The following PSME4 variants were observed in gnomAD, a reference collection of about 807,000 sequenced individuals.
PSME4 encodes the protein proteasome activator subunit 4, also known as proteasome activator complex subunit 4.
In PSME4, 89 loss-of-function variants were observed where a neutral mutation model predicts 253.9. The ratio of observed to expected loss-of-function variants is 0.35; its 90% CI spans 0.30 to 0.42. PSME4 has a LOEUF of 0.42. Among genes scored for constraint, PSME4 ranks in the 10% least tolerant of loss-of-function variants. PSME4 has a pLI of 1.00. For missense variants in PSME4, 2,014 were observed against 2,195.2 expected (o/e 0.92, Z 1.65); for synonymous variants, 851 against 759.2 (o/e 1.12, Z -1.99).
At chr2:53,900,149 T>G (rs1309992006) in intron 28 of PSME4, 132 bp from the exon 29 acceptor site, 2 of 875,354 alleles carry the variant, frequency 2.3e-6, no homozygotes, top group African/African-American at 3.4e-5. Flanking sequence ...TCCATTTATA[T>G]GAAATATCTA....
rs1470302261 is a variant in PSME4 at position 53,932,074 on chromosome 2, C to A, written c.1077G>T (p.Arg359=). The A allele has an allele frequency of 6.2e-7, 1 of 1,613,936 alleles. No homozygotes were observed. The highest frequency in any genetic ancestry group is 8.5e-7 in the Non-Finnish European group (1 of 1,179,972). ...ATCTTCTAACAACACTGTTTGGCAA[C>A]CGCTGAAGTAGTTTCATTAACTTGT... The part of the protein sequence containing the change: ...WLNKLMKLLQ[R]LPNSVVRRLH... Residue 359 remains arginine, a synonymous_variant, in exon 10 of 47, where the codon CGG becomes CGT. Transcript: ENST00000404125.
At position 53,875,613 on chromosome 2, in the gene PSME4, A is replaced by G; in HGVS notation, c.4944+14T>C. On this transcript the variant is annotated intron_variant, in intron 42 of 46. Coordinates refer to ENST00000404125, the MANE Select transcript of PSME4 (RefSeq NM_014614.3). ...ATCCTAATCAAAAGACATAAATATT[A>G]TAAACACTCTTACTTGTTTTAGCAC... 6.3e-7 allele frequency: 1 copy of G among 1,597,120 alleles called. No individual in the cohort carries two copies. Among genetic ancestry groups the G allele is most frequent in the South Asian group, 1.1e-5 (1 of 87,346 alleles).
chr2:53,958,460 A>C (rs1186042367), intron 1 of PSME4, among the ~76,000 whole-genome samples: 1 of 152,214 alleles, frequency 6.6e-6, no homozygotes, highest in Admixed American at 6.5e-5. Flanking sequence ...CAATCTGATT[A>C]TGATACAGTG....
At chr2:53,905,080 A>T (rs1573254234) in intron 26 of PSME4, among the ~76,000 whole-genome samples, 1 of 143,528 alleles carries the variant, frequency 7.0e-6, no homozygotes, top group African/African-American at 2.6e-5. Context: ...CCCAGGCTGG[A>T]GTGCAGTGGC....
chr2:53,950,824 A>G (rs1327048714), intron 1 of PSME4, among the ~76,000 whole-genome samples: 1 of 149,942 alleles, frequency 6.7e-6, no homozygotes, highest in Non-Finnish European at 1.5e-5. Flanking sequence ...CTGGGCAACA[A>G]GAGAGAAACT....
In PSME4 at chr2:53,923,341, T is replaced by A. The variant is rs1424370202; in HGVS notation, c.1888A>T (p.Met630Leu). The change falls in exon 15 of 47, where the codon ATG becomes TTG. Residue 630 changes from methionine to leucine, a missense_variant. Physicochemically the swap from Met to Leu is conservative, Grantham distance 15 (BLOSUM62 2). Around this residue, in one of 4 missense-constraint regions of PSME4, gnomAD observed 989 missense variants for 1,021.1 expected, o/e 0.97. Coordinates refer to ENST00000404125, the MANE Select transcript of PSME4 (RefSeq NM_014614.3). ...CTCACCTTTACAGCAGCGCGGCACA[T>A]GTCTGCCACCATGCGACCTGCTACT... ...TRVAGRMVADMCRAAVKCCPE... is the reference protein window; with the variant it reads ...TRVAGRMVADLCRAAVKCCPE... 1.2e-6 allele frequency: 2 copies of A among 1,608,630 alleles called. No homozygotes were observed. The highest frequency in any genetic ancestry group is 1.7e-6 in the Non-Finnish European group (2 of 1,178,648).
intron 17 of PSME4, among the ~76,000 whole-genome samples, chr2:53,921,949 G>A (rs149116343): frequency 0.032 from 4,901 of 151,164 alleles, 99 homozygotes; most frequent in Non-Finnish European, 0.046. Context: ...GAGGCAGGCG[G>A]ATCACGAGGT....
At chr2:53,878,451 A>C (rs1388947818) in intron 41 of PSME4, among the ~76,000 whole-genome samples, 1 of 152,240 alleles carries the variant, frequency 6.6e-6, no homozygotes, top group Admixed American at 6.5e-5. Context: ...GGATAACAGC[A>C]ATGTTCAGAC....
chr2:53,880,653 C>T (rs1387947037), intron 41 of PSME4, among the ~76,000 whole-genome samples: 1 of 152,146 alleles, frequency 6.6e-6, no homozygotes, highest in African/African-American at 2.4e-5. Context: ...AAACCAAAAT[C>T]ACCTTGCAGA....
chr2:53,922,213 T>C (rs1381554344), intron 17 of PSME4, among the ~76,000 whole-genome samples: 1 of 152,098 alleles, frequency 6.6e-6, no homozygotes, highest in Non-Finnish European at 1.5e-5. Flanking sequence ...TGAAGTTTGA[T>C]TGATGGCCAA....
chr2:53,892,105 C>T (rs946658842), intron 36 of PSME4, among the ~76,000 whole-genome samples: 11 of 152,188 alleles, frequency 7.2e-5, no homozygotes, highest in African/African-American at 2.4e-4. Context: ...AGTAATGTAA[C>T]GGATGACAAG....
chr2:53,922,638 T>G (rs575854879), intron 16 of PSME4, 54 bp from the exon 17 acceptor site: 2 of 1,562,378 alleles, frequency 1.3e-6, no homozygotes, highest in Non-Finnish European at 1.7e-6. Flanking sequence ...CAACTAAATA[T>G]AGCATTTTAA....
chr2:53,898,677 C>T (rs1680254226), intron 29 of PSME4, among the ~76,000 whole-genome samples: 1 of 150,248 alleles, frequency 6.7e-6, no homozygotes, highest in African/African-American at 2.5e-5. Context: ...ACACACGATA[C>T]ACCAGGTTTC....
intron 37 of PSME4, among the ~76,000 whole-genome samples, chr2:53,889,797 T>C (rs536020180): frequency 1.3e-5 from 2 of 152,302 alleles, no homozygotes; most frequent in Non-Finnish European, 2.9e-5. Flanking sequence ...TTAAAATGCA[T>C]TACCACAGCA....
intron 10 of PSME4, among the ~76,000 whole-genome samples, chr2:53,928,683 T>C (rs896892736): frequency 1.3e-5 from 2 of 152,164 alleles, no homozygotes; most frequent in Non-Finnish European, 2.9e-5. Flanking sequence ...ACAGTATACA[T>C]AGGGTCCAGT....
chr2:53,870,198 G>A (rs1193953307), intron 43 of PSME4: 1 of 152,148 alleles, frequency 6.6e-6, no homozygotes, highest in East Asian at 1.9e-4. Context: ...AAAAACAGAT[G>A]TTTTGCTCTG....
At chr2:53,919,045 T>G in intron 20 of PSME4, 106 bp downstream of exon 20, 3 of 1,131,414 alleles carry the variant, frequency 2.7e-6, no homozygotes, top group Non-Finnish European at 3.8e-6. Flanking sequence ...AATAAAAAGG[T>G]TAAAGTGATA....
At chr2:53,918,780 A>C in intron 20 of PSME4, among the ~76,000 whole-genome samples, 1 of 152,144 alleles carries the variant, frequency 6.6e-6, no homozygotes, top group Non-Finnish European at 1.5e-5. Context: ...CTTTTTTTTT[A>C]AAGTTTTTTG....
intron 41 of PSME4, among the ~76,000 whole-genome samples, chr2:53,880,139 A>G (rs866763421): frequency 2.6e-5 from 4 of 152,166 alleles, no homozygotes; most frequent in Admixed American, 6.5e-5. Flanking sequence ...CTTTAGAGAC[A>G]AAGAGGTGTG....
Sources: gnomAD v4.1 joint callset for allele counts (sites outside exome capture counted in the v4.1 genomes callset) on GRCh38, gnomAD v4.1.1 for gene constraint, gnomAD v4.1.1 regional missense constraint, MANE v1.5 for transcripts, NCBI Gene and HGNC (gene_info 2026-07-23, HGNC 2026-07-21) for gene names.